TNFRSF10B: variants seen among roughly 807,000 people sequenced by gnomAD.
The protein encoded by TNFRSF10B is tumor necrosis factor receptor superfamily member 10B.
A neutral mutation model predicts 41.4 loss-of-function variants in TNFRSF10B; 35 were observed. That is an observed-to-expected ratio of 0.85 (90% CI 0.65 to 1.12). The LOEUF (loss-of-function observed/expected upper bound fraction) is 1.12, where lower values mean the gene tolerates loss of function less well. Among genes scored for constraint, TNFRSF10B ranks in the 50% most tolerant of loss-of-function variants. The pLI, the probability that TNFRSF10B is intolerant of heterozygous loss-of-function variation, is 0.00. For synonymous variants in TNFRSF10B, 230 were observed against 215.5 expected (o/e 1.07, Z -0.59); for missense variants, 584 against 552.7 (o/e 1.06, Z -0.57).
chr8:23,043,251 G>C lies in TNFRSF10B; in HGVS notation c.145-8C>G, dbSNP rs370662441. ...AGCAGACTCAGCTGAGACCTGTGGG[G>C]ACAAAGCAGGGATGGGCATGAGTGG... On this transcript the variant is annotated splice_polypyrimidine_tract_variant and splice_region_variant and intron_variant, in intron 1 of 8. Coordinates refer to ENST00000276431, the MANE Select transcript of TNFRSF10B (RefSeq NM_003842.5). The C allele has an allele frequency of 5.0e-6, 8 of 1,613,132 alleles. No individual in the cohort carries two copies.
chr8:23,029,797 C>G, intron 3 of TNFRSF10B, 76 bp from the exon 4 acceptor site: 1 of 1,416,624 alleles, frequency 7.1e-7, no homozygotes, highest in South Asian at 1.2e-5. Flanking sequence ...ACCCCAAGAC[C>G]CTGCTACTCA....
chr8:23,055,664 TAA>T (rs1812643648), intron 1 of TNFRSF10B, among the ~76,000 whole-genome samples: 2 of 152,130 alleles, frequency 1.3e-5, no homozygotes, highest in South Asian at 4.1e-4. Flanking sequence ...CATTTAGGAT[TAA>T]ACAAGTTTTA....
intron 4 of TNFRSF10B, 34 bp downstream of exon 4, chr8:23,029,576 T>C (rs1395710746): frequency 1.3e-6 from 2 of 1,580,492 alleles, no homozygotes; most frequent in Admixed American, 1.8e-5. Flanking sequence ...TGGGGTTCCA[T>C]GGAGCTACTG....
intron 2 of TNFRSF10B, among the ~76,000 whole-genome samples, chr8:23,035,231 T>A (rs777652587): frequency 2.6e-5 from 4 of 152,030 alleles, no homozygotes; most frequent in Non-Finnish European, 4.4e-5. Flanking sequence ...AACCTGCACC[T>A]CCTGGGTTCA....
intron 2 of TNFRSF10B, 93 bp downstream of exon 2, chr8:23,043,045 A>C: frequency 8.2e-7 from 1 of 1,218,150 alleles, no homozygotes; most frequent in South Asian, 1.3e-5. Flanking sequence ...CTCTCTGTGG[A>C]ATAAAGAACA....
chr8:23,028,288 G>A, intron 5 of TNFRSF10B, 43 bp downstream of exon 5: 2 of 1,612,290 alleles, frequency 1.2e-6, no homozygotes, highest in Non-Finnish European at 1.7e-6. Flanking sequence ...GGAGGGGGCA[G>A]GGCAGAGAGT....
At chr8:23,037,810 A>G (rs1301342513) in intron 2 of TNFRSF10B, among the ~76,000 whole-genome samples, 2 of 152,254 alleles carry the variant, frequency 1.3e-5, no homozygotes, top group South Asian at 2.1e-4. Context: ...CCTCCAATAC[A>G]TGCGGTTGCT....
intron 1 of TNFRSF10B, among the ~76,000 whole-genome samples, chr8:23,056,224 C>A (rs1812660634): frequency 6.6e-6 from 1 of 152,212 alleles, no homozygotes; most frequent in South Asian, 2.1e-4. Flanking sequence ...CACATACTGT[C>A]CTTATAGAGT....
At position 23,020,909 on chromosome 8, in the gene TNFRSF10B, G is replaced by A. The variant is rs187641176; in HGVS notation, c.*1762C>T. The A allele has an allele frequency of 6.8e-4, 309 of 454,062 alleles. No homozygotes were observed. Among genetic ancestry groups the A allele is most frequent in the African/African-American group, 5.8e-3 (293 of 50,094 alleles). The allele number at this position is 454,062 out of a possible 1,614,324, so 28.1% of individuals were successfully genotyped here. ...CTTCCAGAAGTGCAGGGGACAACGCGTGGGATGCCAGATGGAAGTGGGAGA... is the reference window on the plus strand; with the variant it reads ...CTTCCAGAAGTGCAGGGGACAACGCATGGGATGCCAGATGGAAGTGGGAGA... On this transcript the variant is annotated 3_prime_UTR_variant, in exon 9 of 9. Transcript: ENST00000276431.
Position 23,054,929 on chromosome 8 carries a change from A to G in TNFRSF10B, c.145-11686T>C, listed in dbSNP as rs1164324065. ...ATAAGTAATTAGGCCAAGTATAATA[A>G]AGCAAACCAGTCCTACCATGATTTG... On this transcript the variant is annotated intron_variant, in intron 1 of 8. Transcript: ENST00000276431. Among the ~76,000 whole-genome samples the G allele has an allele frequency of 3.3e-5, 5 of 152,324 alleles. No individual in the cohort carries two copies. In the East Asian group the frequency reaches 9.6e-4, roughly 29 times the overall value.
At chr8:23,044,295 G>A (rs1215547599) in intron 1 of TNFRSF10B, among the ~76,000 whole-genome samples, 1 of 152,098 alleles carries the variant, frequency 6.6e-6, no homozygotes. Flanking sequence ...CAAAACACAA[G>A]CAATATAGGA....
intron 6 of TNFRSF10B, 69 bp downstream of exon 6, chr8:23,027,653 C>G: frequency 6.2e-7 from 1 of 1,608,450 alleles, no homozygotes; most frequent in Non-Finnish European, 8.5e-7. Flanking sequence ...CCCACCCACC[C>G]AGGTTCTGCT....
chr8:23,026,266 G>GT (rs3837204), intron 7 of TNFRSF10B, among the ~76,000 whole-genome samples: 45,013 of 151,350 alleles, frequency 0.3, 7,054 homozygotes, highest in East Asian at 0.41. Context: ...ATAAGATCTA[G>GT]TTTTTTTTTG....
chr8:23,057,305 A>G (rs1246278736), intron 1 of TNFRSF10B, among the ~76,000 whole-genome samples: 1 of 151,732 alleles, frequency 6.6e-6, no homozygotes, highest in Non-Finnish European at 1.5e-5. Flanking sequence ...TCAGCCTCCC[A>G]AAGTGCTGGG....
At chr8:23,053,409 G>T (rs1192894843) in intron 1 of TNFRSF10B, among the ~76,000 whole-genome samples, 1 of 152,166 alleles carries the variant, frequency 6.6e-6, no homozygotes, top group African/African-American at 2.4e-5. Context: ...TTGGTAAAAA[G>T]ATTATAAGGA....
rs372094119 is a variant in TNFRSF10B at position 23,028,413 on chromosome 8, G to A, written c.666C>T (p.Ala222=). 34 of 1,614,058 alleles carry A rather than the reference G, an allele frequency of 2.1e-5. No homozygotes were observed. The highest frequency in any genetic ancestry group is 1.7e-4 in the African/African-American group (13 of 74,916). The change falls in exon 5 of 9, where the codon GCC becomes GCT. Residue 222 remains alanine (A), a synonymous_variant. Transcript: ENST00000276431. ...SGIIIGVTVA[A]VVLIVAVFVC... ...CAAACACAGCCACAATCAAGACTAC[G>A]GCTGCAACTGTGACTCCTATGATGA...
rs1223155256 is a variant in TNFRSF10B, at chr8:23,021,491, T to C, written c.*1180A>G. On this transcript the variant is annotated 3_prime_UTR_variant, in exon 9 of 9. Coordinates refer to ENST00000276431, the MANE Select transcript of TNFRSF10B (RefSeq NM_003842.5). The stretch of plus-strand genomic sequence containing the variant: ...GACGTGGGAGACAGATTTTGTCTTC[T>C]ATCTCCTGAGCCCAAACAGGGCTCA... The C allele has an allele frequency of 2.2e-6, 1 of 454,168 alleles. No individual in the cohort carries two copies. 28.1% of individuals were successfully genotyped at this position (454,168 alleles called of 1,614,324 possible). A position where few individuals can be genotyped will look rare whatever the true frequency, so the allele number is the denominator to read the frequency against.
At chr8:23,068,678 T>G in intron 1 of TNFRSF10B, 73 bp downstream of exon 1, 1 of 1,524,350 alleles carries the variant, frequency 6.6e-7, no homozygotes. Flanking sequence ...CCCCGCCGTG[T>G]CCCCCTCTCT....
chr8:23,050,410 TGG>T (rs1024024572), intron 1 of TNFRSF10B, among the ~76,000 whole-genome samples: 4 of 152,188 alleles, frequency 2.6e-5, no homozygotes, highest in Non-Finnish European at 5.9e-5. Flanking sequence ...GCTCAATGAT[TGG>T]GAGTCAGCTT....
Sources: allele counts gnomAD v4.1 joint callset (sites outside exome capture counted in the v4.1 genomes callset), GRCh38; gene constraint gnomAD v4.1.1; transcripts MANE v1.5; gene names NCBI Gene and HGNC (gene_info 2026-07-23, HGNC 2026-07-21).